PBX1: variants seen among roughly 807,000 people sequenced by gnomAD.
PBX1 encodes the protein PBX homeobox 1.
Under a neutral mutation model 53.4 loss-of-function variants are expected in PBX1, and 6 were observed. The ratio of observed to expected loss-of-function variants is 0.11; its 90% CI spans 0.06 to 0.22. The LOEUF (loss-of-function observed/expected upper bound fraction) is 0.22. Ranked by LOEUF, PBX1 falls within the 10% of genes least tolerant of loss-of-function variation. PBX1 has a pLI of 1.00. For synonymous variants in PBX1, 204 were observed against 212.3 expected (o/e 0.96, Z 0.34); for missense variants, 251 against 551.4 (o/e 0.46, Z 5.46).
At chr1:164,695,743 C>G (rs1662766751) in intron 2 of PBX1, among the ~76,000 whole-genome samples, 1 of 152,160 alleles carries the variant, frequency 6.6e-6, no homozygotes, top group Admixed American at 6.5e-5. Flanking sequence ...TCCACTGGTC[C>G]CAACATTCTT....
At chr1:164,732,891 A>T (rs1446813701) in intron 2 of PBX1, among the ~76,000 whole-genome samples, 2 of 150,252 alleles carry the variant, frequency 1.3e-5, no homozygotes, top group African/African-American at 4.9e-5. Context: ...CAAAGACAGA[A>T]ATCTACACTT....
At chr1:164,621,723 G>C (rs1362553594) in intron 2 of PBX1, among the ~76,000 whole-genome samples, 1 of 152,158 alleles carries the variant, frequency 6.6e-6, no homozygotes, top group East Asian at 1.9e-4. Flanking sequence ...TTTGAGAAAA[G>C]GATCAATGGA....
chr1:164,574,163 T>G (rs558424890), intron 2 of PBX1, among the ~76,000 whole-genome samples: 36 of 152,348 alleles, frequency 2.4e-4, no homozygotes, highest in African/African-American at 8.7e-4. Context: ...TCCATAGCTC[T>G]TCATTTTAGG....
rs1671676383 is a variant in PBX1, at chr1:164,848,477, A to T, written c.*1801A>T. 1.9e-6 allele frequency: 2 copies of T among 1,058,096 alleles called. No individual in the cohort carries two copies. The highest frequency in any genetic ancestry group is 5.2e-5 in the East Asian group (1 of 19,154). 65.5% of individuals were successfully genotyped at this position (1,058,096 alleles called of 1,614,324 possible). On this transcript the variant is annotated 3_prime_UTR_variant, in exon 9 of 9. Coordinates refer to ENST00000420696, the MANE Select transcript of PBX1 (RefSeq NM_002585.4). ...AGGGGAAGTAATGTCCCTGAAATAA[A>T]CGGGTTCATGCCATCTAGGGACAAT...
intron 2 of PBX1, among the ~76,000 whole-genome samples, chr1:164,678,294 G>T (rs946723053): frequency 2.6e-5 from 4 of 152,302 alleles, no homozygotes; most frequent in Admixed American, 6.5e-5. Context: ...TGTGTACCCA[G>T]GAGCCGCCAG....
intron 2 of PBX1, among the ~76,000 whole-genome samples, chr1:164,669,326 G>T (rs1451408252): frequency 6.6e-6 from 1 of 152,116 alleles, no homozygotes; most frequent in Non-Finnish European, 1.5e-5. Context: ...GGTGCTTTCT[G>T]CATAATTACA....
At chr1:164,646,844 A>G (rs1659481635) in intron 2 of PBX1, among the ~76,000 whole-genome samples, 1 of 152,172 alleles carries the variant, frequency 6.6e-6, no homozygotes, top group African/African-American at 2.4e-5. Flanking sequence ...AATCCTTTTT[A>G]GGGGTCAGGA....
At chr1:164,620,372 T>A (rs543081094) in intron 2 of PBX1, among the ~76,000 whole-genome samples, 1 of 152,328 alleles carries the variant, frequency 6.6e-6, no homozygotes, top group African/African-American at 2.4e-5. Context: ...TAATTCTAAT[T>A]TTTATATGCA....
At chr1:164,816,390 A>G (rs1244180354) in intron 6 of PBX1, 1 of 152,240 alleles carries the variant, frequency 6.6e-6, no homozygotes, top group Non-Finnish European at 1.5e-5. Flanking sequence ...ATCAAGCTGA[A>G]TCAGGCTGGC....
chr1:164,735,163 T>C (rs2102148868), intron 2 of PBX1, among the ~76,000 whole-genome samples: 1 of 152,320 alleles, frequency 6.6e-6, no homozygotes, highest in Admixed American at 6.5e-5. Flanking sequence ...TTTGAAAAAA[T>C]CTTGCTTTTG....
chr1:164,769,345 A>C (rs1667245142), intron 2 of PBX1: 1 of 152,302 alleles, frequency 6.6e-6, no homozygotes, highest in East Asian at 1.9e-4. Context: ...AAGTGGCTTC[A>C]TCTTTGTGGT....
chr1:164,791,837 G>A (rs1179973554), intron 2 of PBX1, among the ~76,000 whole-genome samples: 2 of 151,712 alleles, frequency 1.3e-5, no homozygotes, highest in Middle Eastern at 3.2e-3. Flanking sequence ...TTGGGGGGTG[G>A]GGGTGTGGAG....
chr1:164,875,261 G>A (rs1414788153), intron 2 of PBX1, among the ~76,000 whole-genome samples: 3 of 152,122 alleles, frequency 2.0e-5, no homozygotes, highest in South Asian at 4.2e-4. Flanking sequence ...CAGGGATACA[G>A]ACATAAGGGA....
Position 164,799,909 on chromosome 1 carries a change from G to C in PBX1, c.701+20G>C. ...TGCGCGGTGAGTCTCCCATGGGGCT[G>C]TCCTGCCCTCTCTGGGAGTCCCTGA... is the stretch of plus-strand genomic sequence containing the variant. On this transcript the variant is annotated intron_variant, in intron 4 of 8. Coordinates refer to ENST00000420696, the MANE Select transcript of PBX1 (RefSeq NM_002585.4). 6.3e-7 allele frequency: 1 copy of C among 1,593,050 alleles called. No individual in the cohort carries two copies.
chr1:164,742,723 C>T (rs914092882), intron 2 of PBX1, among the ~76,000 whole-genome samples: 3 of 152,180 alleles, frequency 2.0e-5, no homozygotes, highest in African/African-American at 7.2e-5. Flanking sequence ...TAACCTCCCT[C>T]TGACTTAAAA....
intron 5 of PBX1, among the ~76,000 whole-genome samples, chr1:164,811,228 G>A (rs548494300): frequency 2.6e-5 from 4 of 152,274 alleles, no homozygotes; most frequent in African/African-American, 7.2e-5. Flanking sequence ...TCTGGCAGAG[G>A]TCTTGGTATG....
chr1:164,825,154 T>C (rs1670388959), intron 8 of PBX1, among the ~76,000 whole-genome samples: 1 of 151,664 alleles, frequency 6.6e-6, no homozygotes, highest in South Asian at 2.1e-4. Context: ...TTTTTCCCCT[T>C]ACATTTACTC....
chr1:164,831,908 A>G (rs924843260), intron 8 of PBX1, among the ~76,000 whole-genome samples: 2 of 152,058 alleles, frequency 1.3e-5, no homozygotes, highest in Admixed American at 6.6e-5. Flanking sequence ...ATTTAAATCA[A>G]ATGAGATGGT....
At chr1:164,800,594 C>G (rs1031546461) in intron 4 of PBX1, among the ~76,000 whole-genome samples, 1 of 152,216 alleles carries the variant, frequency 6.6e-6, no homozygotes, top group Non-Finnish European at 1.5e-5. Context: ...CATCTACTCT[C>G]TAGACCGGTA....
Sources: gnomAD v4.1 joint callset for allele counts (sites outside exome capture counted in the v4.1 genomes callset) on GRCh38, gnomAD v4.1.1 for gene constraint, MANE v1.5 for transcripts, NCBI Gene and HGNC (gene_info 2026-07-23, HGNC 2026-07-21) for gene names.